The following PPP2R2D variants were observed in gnomAD, a reference collection of about 807,000 sequenced individuals.
The protein encoded by PPP2R2D is serine/threonine-protein phosphatase 2A 55 kDa regulatory subunit B delta isoform.
A neutral mutation model predicts 31.1 loss-of-function variants in PPP2R2D; 9 were observed. The observed-to-expected ratio is 0.29, with a 90% CI of 0.17 to 0.51. PPP2R2D has a LOEUF of 0.51. Among genes scored for constraint, PPP2R2D ranks in the 20% least tolerant of loss-of-function variants. The probability of loss-of-function intolerance (pLI) is 0.98; values close to 1 mark genes in which losing one functional copy is unlikely to be tolerated. For missense variants in PPP2R2D, 391 were observed against 465.6 expected (o/e 0.84, Z 1.48); for synonymous variants, 179 against 172.6 (o/e 1.04, Z -0.29).
chr10:131,945,248 TAAC>T lies in PPP2R2D; in HGVS notation c.656-43_656-41del. The T allele has an allele frequency of 6.3e-7, 1 of 1,577,186 alleles. No homozygotes were observed. Among genetic ancestry groups the T allele is most frequent in the Non-Finnish European group, 8.6e-7 (1 of 1,157,800 alleles). On this transcript the variant is annotated intron_variant, in intron 6 of 8. Coordinates refer to ENST00000455566, the MANE Select transcript of PPP2R2D (RefSeq NM_018461.5). This position sits in a 1 kb window ranked among gnomAD's most constrained non-coding sequence, Gnocchi z 4.8. Reference sequence around the variant, plus strand: ...TTCGCGTGACTGAATGTAGACTAATTAACAACCAGCTGAGCTGAGCACTGTGCC... The same window carrying T: ...TTCGCGTGACTGAATGTAGACTAATTAACCAGCTGAGCTGAGCACTGTGCC...
At chr10:131,921,748 A>G (rs2035992356) in intron 2 of PPP2R2D, among the ~76,000 whole-genome samples, 3 of 152,080 alleles carry the variant, frequency 2.0e-5, no homozygotes, top group African/African-American at 4.8e-5. Context: ...TTCCAAAGTG[A>G]CTATGTTGGT....
At chr10:131,906,172 G>A (rs1475323463) in intron 2 of PPP2R2D, among the ~76,000 whole-genome samples, 1 of 152,132 alleles carries the variant, frequency 6.6e-6, no homozygotes, top group Non-Finnish European at 1.5e-5. Context: ...GAAGCTATGG[G>A]TCTTGCTCCT....
At chr10:131,962,454 C>T (rs1554901598), downstream of PPP2R2D, among the ~76,000 whole-genome samples, 1 of 152,154 alleles carries the variant, frequency 6.6e-6, no homozygotes, top group African/African-American at 2.4e-5. Context: ...TTTCATTTTC[C>T]TTTTGGTGGC....
chr10:131,963,096 C>T (rs1454257998), downstream of PPP2R2D, among the ~76,000 whole-genome samples: 1 of 152,074 alleles, frequency 6.6e-6, no homozygotes, highest in Non-Finnish European at 1.5e-5. Context: ...ACCCAGGAGG[C>T]GGAGGTTGCA....
At chr10:131,927,847 TC>T (rs1366540313) in intron 2 of PPP2R2D, among the ~76,000 whole-genome samples, 2 of 152,252 alleles carry the variant, frequency 1.3e-5, no homozygotes, top group Non-Finnish European at 2.9e-5. Flanking sequence ...ATGCATCTTT[TC>T]TACTCTTGAC....
intron 2 of PPP2R2D, among the ~76,000 whole-genome samples, chr10:131,931,451 G>C (rs1291563970): frequency 1.3e-5 from 2 of 152,160 alleles, no homozygotes; most frequent in Non-Finnish European, 2.9e-5. Context: ...TGGTTCAAGC[G>C]ATTCTCCTGC....
chr10:131,943,570 A>G lies in PPP2R2D; in HGVS notation c.478-398A>G, dbSNP rs1554897494. Among the ~76,000 whole-genome samples the G allele has an allele frequency of 3.3e-5, 5 of 152,186 alleles. No homozygotes were observed. In the East Asian group the frequency reaches 5.8e-4, roughly 18 times the overall value. On this transcript the variant is annotated intron_variant, in intron 5 of 8. Coordinates refer to ENST00000455566, the MANE Select transcript of PPP2R2D (RefSeq NM_018461.5). ...TAGTGCAGTGAGAAGAGGTGTGTGC[A>G]TCTAGCTGCAAGGAGAGGACAAAGG...
At chr10:131,954,106 C>T (rs2036747535) in intron 8 of PPP2R2D, among the ~76,000 whole-genome samples, 1 of 152,200 alleles carries the variant, frequency 6.6e-6, no homozygotes, top group South Asian at 2.1e-4. Context: ...GCCTGTGTCT[C>T]TGTCTGTGCT....
intron 7 of PPP2R2D, among the ~76,000 whole-genome samples, chr10:131,946,415 CTGAGCCGCTG>C (rs1221138009): frequency 1.3e-5 from 2 of 152,136 alleles, no homozygotes; most frequent in African/African-American, 4.8e-5. Context: ...TCCCACCAGA[CTGAGCCGCTG>C]CTCATGTGCA....
intron 2 of PPP2R2D, among the ~76,000 whole-genome samples, chr10:131,928,448 T>C (rs1376203423): frequency 1.3e-5 from 2 of 152,270 alleles, no homozygotes; most frequent in Non-Finnish European, 2.9e-5. Context: ...TGACAATGAC[T>C]CAGTAATTTT....
chr10:131,944,728 A>G (rs1554897701), intron 6 of PPP2R2D, among the ~76,000 whole-genome samples: 1 of 152,126 alleles, frequency 6.6e-6, no homozygotes, highest in East Asian at 1.9e-4. Context: ...TGGTTTTCTT[A>G]GTTGTTTCAG....
At chr10:131,969,786 G>T in the PPP2R2D span, 1 of 152,404 alleles carries the variant, frequency 6.6e-6, no homozygotes, top group Non-Finnish European at 1.5e-5. Flanking sequence ...AGGAGGAGCC[G>T]TTTTGGCTTC....
At chr10:131,909,765 CTTTG>C (rs2035652851) in intron 2 of PPP2R2D, among the ~76,000 whole-genome samples, 2 of 152,314 alleles carry the variant, frequency 1.3e-5, no homozygotes, top group African/African-American at 4.8e-5. Flanking sequence ...TCCAGAGAGC[CTTTG>C]TTTGTGCTGG....
intron 2 of PPP2R2D, among the ~76,000 whole-genome samples, chr10:131,928,428 C>T (rs191207770): frequency 6.6e-6 from 1 of 152,304 alleles, no homozygotes; most frequent in African/African-American, 2.4e-5. Flanking sequence ...GTCAGGGATC[C>T]CTTTTGTTTT....
chr10:131,939,823 T>A lies in PPP2R2D; in HGVS notation c.199-208T>A, dbSNP rs1336050207. 8 of 338,878 alleles carry A rather than the reference T, an allele frequency of 2.4e-5. No homozygotes were observed. In the Admixed American group the frequency reaches 3.2e-4, roughly 14 times the overall value. 21.0% of individuals were successfully genotyped at this position (338,878 alleles called of 1,614,324 possible). A position where few individuals can be genotyped will look rare whatever the true frequency, so the allele number is the denominator to read the frequency against. The stretch of plus-strand genomic sequence containing the variant: ...CTGCATTCGGCAGACCTGCTCCAGA[T>A]GCATACCTAGAAGTGGAGTCGAAGA... On this transcript the variant is annotated intron_variant, in intron 3 of 8. Coordinates refer to ENST00000455566, the MANE Select transcript of PPP2R2D (RefSeq NM_018461.5).
chr10:131,942,563 T>C (rs973717192), intron 5 of PPP2R2D, among the ~76,000 whole-genome samples: 3 of 152,112 alleles, frequency 2.0e-5, no homozygotes, highest in Non-Finnish European at 4.4e-5. Context: ...AGAAAAGGGA[T>C]ATAATTAAAA....
chr10:131,932,352 A>G (rs1483717544), intron 2 of PPP2R2D, among the ~76,000 whole-genome samples: 1 of 152,134 alleles, frequency 6.6e-6, no homozygotes, highest in Non-Finnish European at 1.5e-5. Context: ...TGGAGGCAGA[A>G]CGCAGCCATG....
intron 8 of PPP2R2D, among the ~76,000 whole-genome samples, chr10:131,952,726 G>T (rs1461169520): frequency 3.6e-5 from 4 of 111,578 alleles, no homozygotes; most frequent in African/African-American, 1.5e-4. Flanking sequence ...GGGTGTGCGG[G>T]GTTCACTGTC....
intron 2 of PPP2R2D, among the ~76,000 whole-genome samples, chr10:131,916,132 A>G (rs2035774564): frequency 6.6e-6 from 1 of 152,186 alleles, no homozygotes; most frequent in Non-Finnish European, 1.5e-5. Context: ...TAAAAAGTAG[A>G]TGGAACCTTT....
Sources: gnomAD v4.1 joint callset for allele counts (sites outside exome capture counted in the v4.1 genomes callset) on GRCh38, gnomAD v4.1.1 for gene constraint, Gnocchi (gnomAD v3.1) non-coding constraint, MANE v1.5 for transcripts, NCBI Gene and HGNC (gene_info 2026-07-23, HGNC 2026-07-21) for gene names.